Variants in PALD1 observed in about 807,000 individuals in gnomAD.
PALD1 encodes the protein paladin.
In PALD1, 57 loss-of-function variants were observed where a neutral mutation model predicts 96.0. That is an observed-to-expected ratio of 0.59 (90% CI 0.48 to 0.74). The LOEUF (loss-of-function observed/expected upper bound fraction) is 0.74. Ranked by LOEUF, PALD1 falls within the 30% of genes least tolerant of loss-of-function variation. The pLI is 0.00. For synonymous variants in PALD1, 464 were observed against 473.6 expected (o/e 0.98, Z 0.26); for missense variants, 1,063 against 1,143.7 (o/e 0.93, Z 1.02).
At chr10:70,513,372 A>C (rs771577907) in intron 1 of PALD1, among the ~76,000 whole-genome samples, 28 of 152,070 alleles carry the variant, frequency 1.8e-4, no homozygotes, top group Non-Finnish European at 3.7e-4. Context: ...ATTAGCCAGG[A>C]GTGGTGGCAC....
chr10:70,508,819 GCAGGCCTGTGGGAGCTGCGGAACC>G lies in PALD1; in HGVS notation c.-29-17103_-29-17080del, dbSNP rs72210270. Among the ~76,000 whole-genome samples the G allele has an allele frequency of 9.2e-3, 548 of 59,864 alleles. 5 individuals are homozygous for G. Among genetic ancestry groups the G allele is most frequent in the Middle Eastern group, 0.015 (2 of 134 alleles). The allele number at this position is 59,864 out of a possible 152,430, so 39.3% of individuals were successfully genotyped here. On this transcript the variant is annotated intron_variant, in intron 1 of 19. Transcript: ENST00000263563. ...TGTGTGTGTGTGTGTGTGTGTGTGT[GCAGGCCTGTGGGAGCTGCGGAACC>G]TGTGTGTGTGTGTGCAGGCCTGTGG...
At chr10:70,494,871 A>G (rs1239187317) in intron 1 of PALD1, among the ~76,000 whole-genome samples, 2 of 152,246 alleles carry the variant, frequency 1.3e-5, no homozygotes, top group Non-Finnish European at 2.9e-5. Flanking sequence ...AGGATGTGGG[A>G]AAACTGGCTT....
intron 18 of PALD1, among the ~76,000 whole-genome samples, chr10:70,557,930 C>CTTTTTTTTT (rs781513750): frequency 0.029 from 2,735 of 92,756 alleles, 319 homozygotes; most frequent in African/African-American, 0.045. Context: ...TTGGCTCTTC[C>CTTTTTTTTT]TTTTTTTTTT....
chr10:70,508,452 C>T (rs530838628), intron 1 of PALD1, among the ~76,000 whole-genome samples: 9 of 152,254 alleles, frequency 5.9e-5, no homozygotes, highest in Non-Finnish European at 4.4e-5. Context: ...GCCAGCCCAG[C>T]GTGCTCCTGG....
chr10:70,486,648 C>G (rs1477218396), intron 1 of PALD1, among the ~76,000 whole-genome samples: 3 of 152,246 alleles, frequency 2.0e-5, no homozygotes, highest in Admixed American at 6.5e-5. Flanking sequence ...GTAGTCCCAG[C>G]TACTCAGGAG....
At chr10:70,546,558 T>A (rs1393380651) in intron 17 of PALD1, among the ~76,000 whole-genome samples, 3 of 152,202 alleles carry the variant, frequency 2.0e-5, no homozygotes, top group Non-Finnish European at 4.4e-5. Flanking sequence ...TGAAAATCTG[T>A]GTAGTGTGCA....
chr10:70,476,249 A>C (rs140055715), upstream of PALD1, among the ~76,000 whole-genome samples: 126 of 152,328 alleles, frequency 8.3e-4, no homozygotes, highest in African/African-American at 2.9e-3. Context: ...AAATGGGCTC[A>C]ACTGAGAGCT....
At chr10:70,466,340 G>C in the PALD1 span, among the ~76,000 whole-genome samples, 2 of 151,842 alleles carry the variant, frequency 1.3e-5, no homozygotes, top group East Asian at 3.9e-4. Context: ...CTGCCTCCTA[G>C]GTTCAAGCGA....
At chr10:70,529,207 T>TTGGGGGGGGGGG in intron 2 of PALD1, 22 bp from the exon 3 acceptor site, 2 of 391,778 alleles carry the variant, frequency 5.1e-6, no homozygotes, top group East Asian at 5.3e-5. Flanking sequence ...GTTTCCATTC[T>TTGGGGGGGGGGG]GCCCCCCCCC....
chr10:70,548,951 G>A (rs74139683), intron 18 of PALD1, among the ~76,000 whole-genome samples: 5,320 of 148,004 alleles, frequency 0.036, 185 homozygotes, highest in African/African-American at 0.1. Context: ...GCTCACACCT[G>A]TAATCCCAGC....
At chr10:70,477,449 C>G (rs1845843417), upstream of PALD1, among the ~76,000 whole-genome samples, 1 of 152,150 alleles carries the variant, frequency 6.6e-6, no homozygotes, top group Non-Finnish European at 1.5e-5. Flanking sequence ...GTCTGTTTCC[C>G]AAGGCCACTA....
intron 1 of PALD1, among the ~76,000 whole-genome samples, chr10:70,499,490 G>A (rs1443137902): frequency 1.3e-5 from 2 of 152,234 alleles, no homozygotes; most frequent in Non-Finnish European, 2.9e-5. Flanking sequence ...GGCTTGGCCT[G>A]GGGTGGCCAC....
chr10:70,514,495 G>A (rs1846582421), intron 1 of PALD1, among the ~76,000 whole-genome samples: 1 of 152,108 alleles, frequency 6.6e-6, no homozygotes, highest in Non-Finnish European at 1.5e-5. Context: ...ACTCTTCCTA[G>A]TTTTAAAGAG....
At chr10:70,466,971 A>T in the PALD1 span, among the ~76,000 whole-genome samples, 1 of 151,978 alleles carries the variant, frequency 6.6e-6, no homozygotes, top group Non-Finnish European at 1.5e-5. Flanking sequence ...CATTTTAACA[A>T]TTTCGCTGCC....
chr10:70,509,870 A>G (rs919507800), intron 1 of PALD1, among the ~76,000 whole-genome samples: 4 of 152,228 alleles, frequency 2.6e-5, no homozygotes, highest in Non-Finnish European at 5.9e-5. Context: ...GCTGTTGGAC[A>G]CACAGGGCTT....
At chr10:70,466,085 A>G in the PALD1 span, among the ~76,000 whole-genome samples, 1 of 152,134 alleles carries the variant, frequency 6.6e-6, no homozygotes, top group African/African-American at 2.4e-5. Flanking sequence ...TACCTCCTCC[A>G]CATGCTGGTC....
chr10:70,543,721 T>C (rs1219446137), intron 17 of PALD1, among the ~76,000 whole-genome samples: 3 of 152,046 alleles, frequency 2.0e-5, no homozygotes, highest in Non-Finnish European at 4.4e-5. Flanking sequence ...TCCAGCTGAG[T>C]TTAGTCTTTG....
intron 5 of PALD1, among the ~76,000 whole-genome samples, chr10:70,531,927 G>A (rs1847000863): frequency 6.8e-6 from 1 of 146,720 alleles, no homozygotes; most frequent in African/African-American, 2.5e-5. Flanking sequence ...AGGTTGCAGT[G>A]AGCCGAGATC....
At position 70,484,091 on chromosome 10, in the gene PALD1, G is replaced by A. The variant is rs187101465; in HGVS notation, c.-30+5032G>A. Among the ~76,000 whole-genome samples, 194 of 151,972 alleles carry A rather than the reference G, an allele frequency of 1.3e-3. 2 individuals are homozygous for A. The South Asian group carries it at 0.016, about 12-fold the overall frequency. On this transcript the variant is annotated intron_variant, in intron 1 of 19. Coordinates refer to ENST00000263563, the MANE Select transcript of PALD1 (RefSeq NM_014431.3). ...ATTCTTAGCTCACTGCAACCTCTGCGTCCCAGGTTCAAGCAATTCTCGTGC... is the reference window on the plus strand; with the variant it reads ...ATTCTTAGCTCACTGCAACCTCTGCATCCCAGGTTCAAGCAATTCTCGTGC...
Sources: allele counts gnomAD v4.1 joint callset (sites outside exome capture counted in the v4.1 genomes callset), GRCh38; gene constraint gnomAD v4.1.1; transcripts MANE v1.5; gene names NCBI Gene and HGNC (gene_info 2026-07-23, HGNC 2026-07-21).